The following DLG2 variants were observed in gnomAD, a reference collection of about 807,000 sequenced individuals.
DLG2 encodes disks large homolog 2.
DLG2 carries 45 observed loss-of-function variants against 132.5 expected under a neutral mutation model. The observed-to-expected ratio is 0.34, with a 90% confidence interval of 0.27 to 0.44. The LOEUF (loss-of-function observed/expected upper bound fraction) is 0.44, where lower values mean the gene tolerates loss of function less well. Among genes scored for constraint, DLG2 ranks in the 20% least tolerant of loss-of-function variants. DLG2 has a pLI of 1.00. For synonymous variants in DLG2, 424 were observed against 419.6 expected, an observed-to-expected ratio of 1.01 and a Z score of -0.13; for missense variants, 1,045 against 1,196.9, an observed-to-expected ratio of 0.87 and a Z score of 1.87.
chr11:84,379,433 C>G (rs1198358118), intron 7 of DLG2, among the ~76,000 whole-genome samples: 2 of 151,848 alleles, frequency 1.3e-5, no homozygotes, highest in Admixed American at 1.3e-4. Flanking sequence ...GTTAGACACA[C>G]CTGAATAGAG....
chr11:85,589,076 G>A (rs184755856), intron 3 of DLG2, among the ~76,000 whole-genome samples: 22 of 152,318 alleles, frequency 1.4e-4, no homozygotes, highest in African/African-American at 4.6e-4. Context: ...GGAGGTGGCA[G>A]GGGCGTGAAA....
At chr11:84,650,900 T>TATATATATAA (rs1452682199) in intron 6 of DLG2, among the ~76,000 whole-genome samples, 1 of 138,522 alleles carries the variant, frequency 7.2e-6, no homozygotes, top group African/African-American at 2.9e-5. Context: ...TATATATATA[T>TATATATATAA]AAAATTTTTG....
chr11:84,666,651 T>C (rs1044603033), intron 6 of DLG2, among the ~76,000 whole-genome samples: 3 of 152,080 alleles, frequency 2.0e-5, no homozygotes, highest in African/African-American at 7.2e-5. Flanking sequence ...TGGATGTGTG[T>C]ATACACATAT....
At chr11:83,494,568 TA>T (rs2094047136) in intron 21 of DLG2, among the ~76,000 whole-genome samples, 2 of 151,386 alleles carry the variant, frequency 1.3e-5, no homozygotes, top group Admixed American at 1.3e-4. Flanking sequence ...TTTTTTTTTT[TA>T]CACAATATCC....
At chr11:85,128,406 A>AT (rs1194594233) in intron 5 of DLG2, among the ~76,000 whole-genome samples, 1 of 152,194 alleles carries the variant, frequency 6.6e-6, no homozygotes, top group Non-Finnish European at 1.5e-5. Context: ...AAATATACTC[A>AT]TTTTAAAGAA....
chr11:85,019,465 A>ATTAT (rs932593446), intron 6 of DLG2, among the ~76,000 whole-genome samples: 2 of 151,942 alleles, frequency 1.3e-5, no homozygotes, highest in African/African-American at 4.8e-5. Flanking sequence ...TTATTATTTT[A>ATTAT]TTATTTATTT....
In DLG2 at chr11:85,285,390, A is replaced by C. The variant is rs978761496; in HGVS notation, c.41-25T>G. Reference sequence around the variant, plus strand: ...TCTGTAAAGAAAATGTAAGGAAAGCATCAAAATGTAATGCATGACTTCATA... The same window carrying C: ...TCTGTAAAGAAAATGTAAGGAAAGCCTCAAAATGTAATGCATGACTTCATA... On this transcript the variant is annotated intron_variant, in intron 3 of 27. Transcript: ENST00000376104. 1.8e-5 allele frequency: 29 copies of C among 1,605,166 alleles called. No homozygotes were observed. In the Admixed American group the frequency reaches 2.9e-4, roughly 16 times the overall value.
chr11:85,561,034 CA>C (rs749361073), intron 3 of DLG2, among the ~76,000 whole-genome samples: 8 of 144,330 alleles, frequency 5.5e-5, no homozygotes, highest in East Asian at 2.0e-4. Context: ...CATCCTATGT[CA>C]AAAAAAAATA....
intron 16 of DLG2, among the ~76,000 whole-genome samples, chr11:83,857,579 AT>A (rs1434826318): frequency 2.6e-5 from 4 of 152,204 alleles, no homozygotes; most frequent in Non-Finnish European, 5.9e-5. Context: ...CAGGGAAACT[AT>A]TTTGTATGAC....
chr11:84,681,006 C>G (rs1595633859), intron 6 of DLG2, among the ~76,000 whole-genome samples: 1 of 152,284 alleles, frequency 6.6e-6, no homozygotes, highest in Non-Finnish European at 1.5e-5. Context: ...TTAGTCAGGA[C>G]ACTGGGATGC....
At chr11:84,546,249 C>T (rs1418140527) in intron 6 of DLG2, among the ~76,000 whole-genome samples, 2 of 152,090 alleles carry the variant, frequency 1.3e-5, no homozygotes, top group Non-Finnish European at 2.9e-5. Context: ...AGAGTTCTCA[C>T]GAGATCTGAT....
chr11:83,635,858 G>A (rs12273967), intron 18 of DLG2, among the ~76,000 whole-genome samples: 51,282 of 151,918 alleles, frequency 0.34, 11,742 homozygotes, highest in African/African-American at 0.66. Context: ...GTGAATGTTG[G>A]CAGCAGGTTA....
intron 3 of DLG2, among the ~76,000 whole-genome samples, chr11:85,335,241 CT>C (rs34680409): frequency 0.037 from 5,465 of 148,292 alleles, 145 homozygotes; most frequent in Admixed American, 0.05. Flanking sequence ...AGCATCTCTG[CT>C]TTTTTTTTTT....
chr11:83,925,607 T>C (rs1002175720), intron 15 of DLG2, among the ~76,000 whole-genome samples: 2 of 152,020 alleles, frequency 1.3e-5, no homozygotes, highest in African/African-American at 4.8e-5. Flanking sequence ...CCCATGAATA[T>C]ATATATCCTT....
chr11:83,756,470 A>G (rs2093650987), intron 18 of DLG2, among the ~76,000 whole-genome samples: 2 of 151,490 alleles, frequency 1.3e-5, no homozygotes. Flanking sequence ...ACTTGTGAAG[A>G]GAAGCGTAGT....
chr11:84,661,985 T>C (rs2099694895), intron 6 of DLG2, among the ~76,000 whole-genome samples: 1 of 151,860 alleles, frequency 6.6e-6, no homozygotes, highest in Non-Finnish European at 1.5e-5. Flanking sequence ...CCCCCATGCA[T>C]GTTTTAGCTT....
At chr11:84,552,469 T>A (rs1180804898) in intron 6 of DLG2, among the ~76,000 whole-genome samples, 1 of 152,142 alleles carries the variant, frequency 6.6e-6, no homozygotes, top group African/African-American at 2.4e-5. Flanking sequence ...AACGTCAAAG[T>A]TCAGTTAAGA....
intron 6 of DLG2, among the ~76,000 whole-genome samples, chr11:84,749,308 A>T (rs1303983413): frequency 1.3e-5 from 2 of 152,150 alleles, no homozygotes; most frequent in African/African-American, 4.8e-5. Context: ...CAAGGAACAG[A>T]CCTGATTATA....
intron 6 of DLG2, among the ~76,000 whole-genome samples, chr11:85,042,787 C>G (rs1170258162): frequency 6.6e-6 from 1 of 151,794 alleles, no homozygotes; most frequent in Admixed American, 6.6e-5. Flanking sequence ...GATTGCCAAA[C>G]AATTTAAAGA....
Sources: allele counts gnomAD v4.1 joint callset (sites outside exome capture counted in the v4.1 genomes callset), GRCh38; gene constraint gnomAD v4.1.1; transcripts MANE v1.5; gene names NCBI Gene and HGNC (gene_info 2026-07-23, HGNC 2026-07-21).